Variants in EFCAB6 observed in about 807,000 individuals in gnomAD.
EFCAB6 encodes EF-hand calcium-binding domain-containing protein 6.
In EFCAB6, 156 loss-of-function variants were observed where a neutral mutation model predicts 169.8. That is an observed-to-expected ratio of 0.92 (90% CI 0.81 to 1.05). The LOEUF (loss-of-function observed/expected upper bound fraction) is 1.05. EFCAB6 is among the 50% of genes least tolerant of loss of function. EFCAB6 has a pLI of 0.00. For missense variants in EFCAB6, 1,800 were observed against 1,829.1 expected, an observed-to-expected ratio of 0.98 and a Z score of 0.29; for synonymous variants, 698 against 676.4, an observed-to-expected ratio of 1.03 and a Z score of -0.50.
At position 43,580,466 on chromosome 22, in the gene EFCAB6, T is replaced by A; in HGVS notation, c.3226A>T (p.Thr1076Ser). Residue 1076 changes from threonine (T) to serine (S), a missense_variant and splice_region_variant, in exon 25 of 32, where the codon ACG becomes TCG. Coordinates refer to ENST00000262726, the MANE Select transcript of EFCAB6 (RefSeq NM_022785.4). The stretch of plus-strand genomic sequence containing the variant: ...AAAGCACTTTCAGCCTGTCATACCG[T>A]GGACAAAGCCAGCTGGGAGGACTCA... ...VVESSQLALS[T>S]AFSALDKEDT... 5 of 1,614,016 alleles carry A rather than the reference T, an allele frequency of 3.1e-6. No homozygotes were observed. Among genetic ancestry groups the A allele is most frequent in the Middle Eastern group, 3.3e-4 (2 of 6,044 alleles).
At chr22:43,777,208 C>T (rs562911322) in intron 3 of EFCAB6, among the ~76,000 whole-genome samples, 59 of 152,234 alleles carry the variant, frequency 3.9e-4, no homozygotes, top group African/African-American at 6.0e-4. Context: ...ATGGAGAACA[C>T]GGGGGAGTCG....
At chr22:43,586,340 A>ATTTTTTTTTTTTTTTTTTTTTTTT (rs36058832) in intron 24 of EFCAB6, among the ~76,000 whole-genome samples, 22 of 72,922 alleles carry the variant, frequency 3.0e-4, no homozygotes, top group Admixed American at 5.7e-4. Context: ...GCAACAACTG[A>ATTTTTTTTTTTTTTTTTTTTTTTT]TTTTTTTTTT....
chr22:43,697,196 C>A (rs1225747267), intron 10 of EFCAB6, among the ~76,000 whole-genome samples: 1 of 152,174 alleles, frequency 6.6e-6, no homozygotes, highest in Non-Finnish European at 1.5e-5. Flanking sequence ...AAATTAACAC[C>A]TTTCTGAAGT....
At chr22:43,690,845 A>G (rs1311757106) in intron 10 of EFCAB6, among the ~76,000 whole-genome samples, 1 of 151,780 alleles carries the variant, frequency 6.6e-6, no homozygotes, top group Non-Finnish European at 1.5e-5. Flanking sequence ...CTCCTCTTTC[A>G]GGTCTCAATG....
chr22:43,738,681 G>C (rs932433363), intron 6 of EFCAB6, among the ~76,000 whole-genome samples: 6 of 151,866 alleles, frequency 4.0e-5, no homozygotes, highest in Non-Finnish European at 8.8e-5. Flanking sequence ...ACACACACTT[G>C]CACATACCCC....
chr22:43,586,424 T>C (rs1224111102), intron 24 of EFCAB6, among the ~76,000 whole-genome samples: 1 of 143,078 alleles, frequency 7.0e-6, no homozygotes, highest in Non-Finnish European at 1.5e-5. Flanking sequence ...TCATAGCTCA[T>C]TGCAGCCTTG....
chr22:43,539,444 T>C (rs1172491581), intron 28 of EFCAB6, among the ~76,000 whole-genome samples: 1 of 152,232 alleles, frequency 6.6e-6, no homozygotes, highest in Non-Finnish European at 1.5e-5. Context: ...TAAACTTGCA[T>C]GGAGTTAATG....
At chr22:43,616,391 A>G (rs2053688056) in intron 20 of EFCAB6, among the ~76,000 whole-genome samples, 1 of 152,212 alleles carries the variant, frequency 6.6e-6, no homozygotes, top group Admixed American at 6.5e-5. Flanking sequence ...GGCCGGGTGC[A>G]GTGGCTCACG....
chr22:43,793,564 A>G (rs537591449), intron 2 of EFCAB6, among the ~76,000 whole-genome samples: 4 of 152,188 alleles, frequency 2.6e-5, no homozygotes, highest in Non-Finnish European at 5.9e-5. Context: ...TCACCATTTA[A>G]CTCAGAATGT....
At chr22:43,724,390 A>C (rs1460315313) in intron 8 of EFCAB6, among the ~76,000 whole-genome samples, 20 of 136,594 alleles carry the variant, frequency 1.5e-4, no homozygotes, top group Admixed American at 5.5e-4. Flanking sequence ...TTTTTTGAGA[A>C]GGAGTCTCGC....
chr22:43,599,289 C>T (rs1051547810), intron 23 of EFCAB6, among the ~76,000 whole-genome samples: 1 of 151,868 alleles, frequency 6.6e-6, no homozygotes, highest in Non-Finnish European at 1.5e-5. Context: ...GCAGGTGGAT[C>T]GCTTGAGGTC....
At chr22:43,693,415 T>C (rs1243258272) in intron 10 of EFCAB6, among the ~76,000 whole-genome samples, 1 of 151,228 alleles carries the variant, frequency 6.6e-6, no homozygotes, top group African/African-American at 2.4e-5. Flanking sequence ...CTTTAAAATA[T>C]TTAACCAGCA....
chr22:43,598,686 G>A (rs2147503058), intron 23 of EFCAB6, among the ~76,000 whole-genome samples: 2 of 152,262 alleles, frequency 1.3e-5, no homozygotes, highest in Admixed American at 1.3e-4. Context: ...TGCTTGAGGT[G>A]ATGGATTTCC....
intron 26 of EFCAB6, among the ~76,000 whole-genome samples, chr22:43,561,056 A>G (rs1414758892): frequency 6.6e-6 from 1 of 152,178 alleles, no homozygotes; most frequent in Non-Finnish European, 1.5e-5. Flanking sequence ...CGTGTTCACT[A>G]TAGAAAACTT....
intron 10 of EFCAB6, among the ~76,000 whole-genome samples, chr22:43,698,891 T>C (rs912843691): frequency 1.3e-5 from 2 of 152,192 alleles, no homozygotes; most frequent in Non-Finnish European, 2.9e-5. Flanking sequence ...AGCAGCTCAA[T>C]TGTATGTGGT....
Position 43,735,998 on chromosome 22 carries a change from G to A in EFCAB6, c.508-5C>T. The A allele has an allele frequency of 6.3e-7, 1 of 1,599,066 alleles. No individual in the cohort carries two copies. Among genetic ancestry groups the A allele is most frequent in the South Asian group, 1.1e-5 (1 of 87,234 alleles). On this transcript the variant is annotated splice_polypyrimidine_tract_variant and splice_region_variant and intron_variant, in intron 6 of 31. Transcript: ENST00000262726. The stretch of plus-strand genomic sequence containing the variant: ...AGTCTTAATGTTTTTGAAAACCTAT[G>A]TACAAAAAGTGATTTAGGAAAAGTC...
chr22:43,613,448 A>T (rs1019852786), intron 21 of EFCAB6, among the ~76,000 whole-genome samples: 44 of 152,290 alleles, frequency 2.9e-4, no homozygotes, highest in East Asian at 2.5e-3. Context: ...GAATAAGATC[A>T]TGTCCTTTGC....
intron 3 of EFCAB6, among the ~76,000 whole-genome samples, chr22:43,775,381 A>G (rs2061606510): frequency 6.6e-6 from 1 of 152,202 alleles, no homozygotes; most frequent in South Asian, 2.1e-4. Flanking sequence ...ATCTATCAGT[A>G]TGATACATGA....
At chr22:43,684,046 C>T (rs557299510) in intron 11 of EFCAB6, among the ~76,000 whole-genome samples, 191 bp from the exon 12 acceptor site, 11 of 152,150 alleles carry the variant, frequency 7.2e-5, no homozygotes, top group Admixed American at 2.0e-4. Flanking sequence ...AGAGATGCCA[C>T]GAATGCAGGG....
Sources: allele counts gnomAD v4.1 joint callset (sites outside exome capture counted in the v4.1 genomes callset), GRCh38; gene constraint gnomAD v4.1.1; transcripts MANE v1.5; gene names NCBI Gene and HGNC (gene_info 2026-07-23, HGNC 2026-07-21).